The following RASA3 variants were observed in gnomAD, a reference collection of about 807,000 sequenced individuals.
RASA3 encodes the protein RAS p21 protein activator 3.
Under a neutral mutation model 110.0 loss-of-function variants are expected in RASA3, and 73 were observed. That is an observed-to-expected ratio of 0.66 (90% confidence interval 0.55 to 0.81). The LOEUF (loss-of-function observed/expected upper bound fraction) is 0.81, where lower values mean the gene tolerates loss of function less well. Ranked by LOEUF, RASA3 falls within the 30% of genes least tolerant of loss-of-function variation. The pLI is 0.00. For synonymous variants in RASA3, 500 were observed against 451.4 expected (o/e 1.11, Z -1.37); for missense variants, 976 against 1,113.2 (o/e 0.88, Z 1.75).
At position 113,995,624 on chromosome 13, in the gene RASA3, G is replaced by A. The variant is rs563915738; in HGVS notation, c.2141+907C>T. On this transcript the variant is annotated intron_variant, in intron 21 of 23. Transcript: ENST00000334062. Reference sequence around the variant, plus strand: ...CTGATGGGGGGCCCTGCTGATGGGGGGCCTGACAGGGGGCCCAGCTGACGG... The same window carrying A: ...CTGATGGGGGGCCCTGCTGATGGGGAGCCTGACAGGGGGCCCAGCTGACGG... 1.1e-4 allele frequency among the ~76,000 whole-genome samples: 17 copies of A among 149,190 alleles called. 1 individual carries two copies. The South Asian group carries it at 3.7e-3, about 32-fold the overall frequency.
Position 114,114,836 on chromosome 13 carries a change from A to G in RASA3, c.55+17599T>C, listed in dbSNP as rs2080257507. Among the ~76,000 whole-genome samples the G allele has an allele frequency of 2.0e-5, 3 of 152,180 alleles. No homozygotes were observed. The highest frequency in any genetic ancestry group is 2.1e-4 in the South Asian group (1 of 4,832). The stretch of plus-strand genomic sequence containing the variant: ...GGGACAGGGCAGAGTCGTGACCAAC[A>G]GTGGAAAGACCCATAGCTCCCAGCT... On this transcript the variant is annotated intron_variant, in intron 1 of 23. Coordinates refer to ENST00000334062, the MANE Select transcript of RASA3 (RefSeq NM_007368.4). This position sits in a 1 kb window ranked among gnomAD's most constrained non-coding sequence, Gnocchi z 4.8.
At chr13:114,094,127 T>C (rs536084978) in intron 1 of RASA3, among the ~76,000 whole-genome samples, 48 of 152,332 alleles carry the variant, frequency 3.2e-4, no homozygotes, top group Non-Finnish European at 5.3e-4. Context: ...TGTATGATAA[T>C]GTCTGAATCC....
intron 1 of RASA3, among the ~76,000 whole-genome samples, chr13:114,129,731 C>G (rs573561377): frequency 2.0e-5 from 3 of 152,144 alleles, no homozygotes; most frequent in African/African-American, 7.2e-5. Context: ...TACGTTCCCA[C>G]CGGATGTAGT....
At chr13:114,131,574 G>C (rs1170804345) in intron 1 of RASA3, among the ~76,000 whole-genome samples, 2 of 152,130 alleles carry the variant, frequency 1.3e-5, no homozygotes, top group African/African-American at 4.8e-5. Context: ...CTGAAGCCCA[G>C]AGAAAAACCG....
At chr13:113,990,740 T>A (rs1469162021) in intron 22 of RASA3, among the ~76,000 whole-genome samples, 1 of 152,244 alleles carries the variant, frequency 6.6e-6, no homozygotes, top group African/African-American at 2.4e-5. Context: ...TGCCTGCACA[T>A]GGGCCTGCAC....
At chr13:114,111,035 G>A (rs1378786260) in intron 1 of RASA3, among the ~76,000 whole-genome samples, 4 of 151,608 alleles carry the variant, frequency 2.6e-5, no homozygotes, top group Admixed American at 1.3e-4. Context: ...CGGCACAAAC[G>A]AGCTGCAGGC....
At chr13:114,067,532 T>C (rs1014845116) in intron 2 of RASA3, among the ~76,000 whole-genome samples, 10 of 152,186 alleles carry the variant, frequency 6.6e-5, no homozygotes, top group African/African-American at 2.2e-4. Context: ...AACCACCAAC[T>C]TCCTCCTGCC....
chr13:114,038,668 C>T (rs184626471), intron 4 of RASA3, among the ~76,000 whole-genome samples: 1 of 152,228 alleles, frequency 6.6e-6, no homozygotes, highest in Admixed American at 6.5e-5. Flanking sequence ...CAACCTTGAC[C>T]CAGTGAAGCG....
intron 2 of RASA3, among the ~76,000 whole-genome samples, chr13:114,071,396 T>A (rs2079570419): frequency 6.6e-6 from 1 of 152,248 alleles, no homozygotes; most frequent in Non-Finnish European, 1.5e-5. Context: ...TCCCACTGGC[T>A]CTGATTCAGC....
intron 7 of RASA3, among the ~76,000 whole-genome samples, chr13:114,024,995 A>T (rs538245116): frequency 9.9e-5 from 15 of 151,588 alleles, no homozygotes; most frequent in African/African-American, 3.4e-4. Context: ...CTTGCAGCAG[A>T]GCAGGAGGCC....
chr13:113,999,687 T>C lies in RASA3; in HGVS notation c.1850-20A>G. The C allele has an allele frequency of 6.2e-7, 1 of 1,600,670 alleles. No homozygotes were observed. Among genetic ancestry groups the C allele is most frequent in the Non-Finnish European group, 8.5e-7 (1 of 1,171,942 alleles). On this transcript the variant is annotated intron_variant, in intron 19 of 23. Transcript: ENST00000334062. ...GGTCCCCTGCAGCAGAGATGGACTGTCAGTGGGTGCGGGCCCCGCTGTCCC... is the reference window on the plus strand; with the variant it reads ...GGTCCCCTGCAGCAGAGATGGACTGCCAGTGGGTGCGGGCCCCGCTGTCCC...
At chr13:114,004,297 A>T (rs927284232) in intron 18 of RASA3, among the ~76,000 whole-genome samples, 4 of 152,314 alleles carry the variant, frequency 2.6e-5, no homozygotes, top group African/African-American at 9.6e-5. Flanking sequence ...GCAGAATGGG[A>T]GGATATTTGC....
chr13:114,005,253 T>C (rs2053488917), intron 18 of RASA3, among the ~76,000 whole-genome samples: 2 of 151,940 alleles, frequency 1.3e-5, no homozygotes, highest in African/African-American at 4.8e-5. Flanking sequence ...GGCAAACACA[T>C]AAAAAATACA....
At chr13:114,062,032 C>T (rs1252869352) in intron 2 of RASA3, among the ~76,000 whole-genome samples, 1 of 152,174 alleles carries the variant, frequency 6.6e-6, no homozygotes, top group South Asian at 2.1e-4. Flanking sequence ...CTGACGCCGT[C>T]CTGGACCATG....
At position 114,048,837 on chromosome 13, in the gene RASA3, T is replaced by C. The variant is rs7999629; in HGVS notation, c.277+3215A>G. 0.61 allele frequency among the ~76,000 whole-genome samples: 92,598 copies of C among 150,956 alleles called. 30,025 individuals carry two copies. The highest frequency in any genetic ancestry group is 0.84 in the African/African-American group (34,863 of 41,462). On this transcript the variant is annotated intron_variant, in intron 3 of 23. Coordinates refer to ENST00000334062, the MANE Select transcript of RASA3 (RefSeq NM_007368.4). The surrounding 1 kb of genome is among the most constrained non-coding windows in gnomAD (Gnocchi z 4.3). ...CTGGACACTTCTCCTGCTCCTGCTG[T>C]GGCGGGAGCTGACTGCAGCCGGTGG... is the stretch of plus-strand genomic sequence containing the variant.
intron 1 of RASA3, among the ~76,000 whole-genome samples, chr13:114,089,273 G>T (rs2079859925): frequency 7.0e-6 from 1 of 142,386 alleles, no homozygotes; most frequent in Non-Finnish European, 1.5e-5. Context: ...GAGACGAGGG[G>T]AGACGAGGGG....
At position 114,073,212 on chromosome 13, in the gene RASA3, G is replaced by A. The variant is rs375265243; in HGVS notation, c.173+508C>T. Among the ~76,000 whole-genome samples, 76 of 149,850 alleles carry A rather than the reference G, an allele frequency of 5.1e-4. No individual in the cohort carries two copies. The East Asian group carries it at 0.014, about 27-fold the overall frequency. On this transcript the variant is annotated intron_variant, in intron 2 of 23. Transcript: ENST00000334062. ...AGGAAAACGGGACGGTGACGTACAC[G>A]CTCGGGACATTGTCTACGCACAGAA...
At chr13:114,005,450 G>A (rs2053493660) in intron 18 of RASA3, among the ~76,000 whole-genome samples, 1 of 152,178 alleles carries the variant, frequency 6.6e-6, no homozygotes, top group Non-Finnish European at 1.5e-5. Flanking sequence ...CGGGGTGGCT[G>A]TGGGACACAG....
intron 3 of RASA3, among the ~76,000 whole-genome samples, chr13:114,051,092 T>G (rs1237096502): frequency 6.6e-6 from 1 of 152,076 alleles, no homozygotes; most frequent in Non-Finnish European, 1.5e-5. Flanking sequence ...AGCACCCTCG[T>G]GGCCTCGCTG....
Sources: allele counts gnomAD v4.1 joint callset (sites outside exome capture counted in the v4.1 genomes callset), GRCh38; gene constraint gnomAD v4.1.1; non-coding constraint Gnocchi (gnomAD v3.1); transcripts MANE v1.5; gene names NCBI Gene and HGNC (gene_info 2026-07-23, HGNC 2026-07-21).